SYNJ2BP: variants seen among roughly 807,000 people sequenced by gnomAD.
The protein encoded by SYNJ2BP is synaptojanin-2-binding protein.
SYNJ2BP carries 10 observed loss-of-function variants against 16.9 expected under a neutral mutation model. The observed-to-expected ratio is 0.59, with a 90% CI of 0.36 to 1.00. The LOEUF (loss-of-function observed/expected upper bound fraction) is 1.00, where lower values mean the gene tolerates loss of function less well. Among genes scored for constraint, SYNJ2BP ranks in the 50% least tolerant of loss-of-function variants. The pLI, the probability that SYNJ2BP is intolerant of heterozygous loss-of-function variation, is 0.01. For synonymous variants in SYNJ2BP, 54 were observed against 68.4 expected (o/e 0.79, Z 1.04); for missense variants, 162 against 186.7 (o/e 0.87, Z 0.77).
At chr14:70,392,365 C>G (rs1300380760) in intron 1 of SYNJ2BP, among the ~76,000 whole-genome samples, 1 of 152,170 alleles carries the variant, frequency 6.6e-6, no homozygotes, top group African/African-American at 2.4e-5. Context: ...TTATAACTTA[C>G]CAGATATGTG....
intron 1 of SYNJ2BP, among the ~76,000 whole-genome samples, chr14:70,391,751 T>G (rs1887985023): frequency 6.6e-6 from 1 of 152,072 alleles, no homozygotes; most frequent in Non-Finnish European, 1.5e-5. Context: ...TAGAAGAAAT[T>G]TTACCGAGAT....
intron 1 of SYNJ2BP, among the ~76,000 whole-genome samples, chr14:70,402,235 G>A (rs1888255266): frequency 6.6e-6 from 1 of 152,168 alleles, no homozygotes; most frequent in African/African-American, 2.4e-5. Context: ...CTTTGTGTAT[G>A]TTATGGCTGG....
intron 3 of SYNJ2BP, among the ~76,000 whole-genome samples, chr14:70,374,989 C>T (rs963904126): frequency 6.6e-6 from 1 of 151,166 alleles, no homozygotes; most frequent in African/African-American, 2.4e-5. Context: ...CTCTATGTTG[C>T]CCAGGCTGGT....
At position 70,373,079 on chromosome 14, in the gene SYNJ2BP, C is replaced by T. The variant is rs373971318; in HGVS notation, c.350G>A (p.Gly117Asp). ...IGHRGEGDPS[G>D]IPIFMVLVPV... ...CACCAGCACCATAAATATGGGAATA[C>T]CACTTGGGTCCCCTTCACCTCGATG... The change falls in exon 4 of 4, where the codon GGT becomes GAT. Residue 117 changes from glycine to aspartate, a missense_variant. Coordinates refer to ENST00000256366, the MANE Select transcript of SYNJ2BP (RefSeq NM_018373.3). The T allele has an allele frequency of 6.8e-6, 11 of 1,614,004 alleles. No homozygotes were observed. The African/African-American group carries it at 1.2e-4, about 18-fold the overall frequency.
Position 70,416,975 on chromosome 14 carries a change from C to A in SYNJ2BP, c.-12G>T. 6.2e-7 allele frequency: 1 copy of A among 1,614,164 alleles called. No homozygotes were observed. The highest frequency in any genetic ancestry group is 8.5e-7 in the Non-Finnish European group (1 of 1,180,016). ...ACTCTTCCGTTCATGTTTTACAGCT[C>A]GTCTGGCTTCCTACTTGGGTCAGCT... On this transcript the variant is annotated 5_prime_UTR_variant, in exon 1 of 4. Coordinates refer to ENST00000256366, the MANE Select transcript of SYNJ2BP (RefSeq NM_018373.3).
At chr14:70,391,758 A>C (rs1270093764) in intron 1 of SYNJ2BP, among the ~76,000 whole-genome samples, 1 of 152,230 alleles carries the variant, frequency 6.6e-6, no homozygotes, top group Non-Finnish European at 1.5e-5. Context: ...AATTTTACCG[A>C]GATTTACCAT....
chr14:70,406,379 T>G (rs1888345225), intron 1 of SYNJ2BP, among the ~76,000 whole-genome samples: 1 of 152,210 alleles, frequency 6.6e-6, no homozygotes, highest in South Asian at 2.1e-4. Flanking sequence ...TTCCTGGGTG[T>G]AGGCCAAACT....
rs1887425714 is a variant in SYNJ2BP, at chr14:70,367,791, C to T, written c.*5200G>A. Reference sequence around the variant, plus strand: ...GACAGCTTCATAACTCAATCTTCTACTACCAGGTGATGTTAAAAAAATACT... The same window carrying T: ...GACAGCTTCATAACTCAATCTTCTATTACCAGGTGATGTTAAAAAAATACT... On this transcript the variant is annotated 3_prime_UTR_variant, in exon 4 of 4. Coordinates refer to ENST00000256366, the MANE Select transcript of SYNJ2BP (RefSeq NM_018373.3). 1 of 152,088 alleles carries T rather than the reference C, an allele frequency of 6.6e-6. No homozygotes were observed. The highest frequency in any genetic ancestry group is 2.1e-4 in the South Asian group (1 of 4,828). 9.4% of individuals were successfully genotyped at this position (152,088 alleles called of 1,614,324 possible).
intron 1 of SYNJ2BP, among the ~76,000 whole-genome samples, chr14:70,413,537 G>A (rs1422570415): frequency 6.6e-6 from 1 of 152,208 alleles, no homozygotes; most frequent in African/African-American, 2.4e-5. Flanking sequence ...TACACAGGAG[G>A]CTGAGGCAGG....
intron 2 of SYNJ2BP, among the ~76,000 whole-genome samples, chr14:70,383,130 T>C (rs150538705): frequency 0.015 from 2,282 of 152,312 alleles, 41 homozygotes; most frequent in Middle Eastern, 0.061. Flanking sequence ...TGTGTTATAA[T>C]GCAGGGGTTA....
At position 70,417,090 on chromosome 14, in the gene SYNJ2BP, G is replaced by A. The variant is rs764647361; in HGVS notation, c.-127C>T. The A allele has an allele frequency of 1.8e-4, 260 of 1,446,096 alleles. No individual in the cohort carries two copies. The highest frequency in any genetic ancestry group is 2.4e-4 in the Non-Finnish European group (254 of 1,054,288). 89.6% of individuals were successfully genotyped at this position (1,446,096 alleles called of 1,614,324 possible). On this transcript the variant is annotated 5_prime_UTR_variant, in exon 1 of 4. Transcript: ENST00000256366. ...TTCAGCAGCCTCGAGACCCGGAAAAGGAAGCCCGAAGGACTCGGAGCACTG... is the reference window on the plus strand; with the variant it reads ...TTCAGCAGCCTCGAGACCCGGAAAAAGAAGCCCGAAGGACTCGGAGCACTG...
chr14:70,378,636 A>T (rs542104843), intron 2 of SYNJ2BP, among the ~76,000 whole-genome samples: 1 of 152,158 alleles, frequency 6.6e-6, no homozygotes, highest in East Asian at 1.9e-4. Flanking sequence ...CTCTGCTGTC[A>T]ACTTTCATAT....
chr14:70,391,390 G>A (rs61977553), intron 1 of SYNJ2BP, among the ~76,000 whole-genome samples: 8,257 of 152,226 alleles, frequency 0.054, 289 homozygotes, highest in Middle Eastern at 0.11. Context: ...TTTTCTTAGA[G>A]CACCCTCAAT....
intron 3 of SYNJ2BP, among the ~76,000 whole-genome samples, chr14:70,375,465 G>T (rs1229572778): frequency 6.6e-6 from 1 of 152,184 alleles, no homozygotes; most frequent in Non-Finnish European, 1.5e-5. Flanking sequence ...CTCCCAAAGT[G>T]TTGGGATTAC....
intron 1 of SYNJ2BP, among the ~76,000 whole-genome samples, chr14:70,396,610 A>G (rs1327855880): frequency 8.4e-5 from 12 of 142,722 alleles, no homozygotes; most frequent in African/African-American, 2.6e-4. Context: ...ATGTATGTAT[A>G]TATATGTATA....
At chr14:70,398,747 T>C (rs1415739616) in intron 1 of SYNJ2BP, among the ~76,000 whole-genome samples, 1 of 152,154 alleles carries the variant, frequency 6.6e-6, no homozygotes, top group Non-Finnish European at 1.5e-5. Flanking sequence ...CCATGAAGTG[T>C]GCAGCCAGCA....
At chr14:70,375,375 T>C (rs1219291745) in intron 3 of SYNJ2BP, among the ~76,000 whole-genome samples, 1 of 151,516 alleles carries the variant, frequency 6.6e-6, no homozygotes, top group East Asian at 2.0e-4. Flanking sequence ...ATTTTTTGTA[T>C]TTTTAGTAGA....
chr14:70,372,986 G>GT lies in SYNJ2BP; in HGVS notation c.*4dup. On this transcript the variant is annotated 3_prime_UTR_variant, in exon 4 of 4. Coordinates refer to ENST00000256366, the MANE Select transcript of SYNJ2BP (RefSeq NM_018373.3). ...CATTGGGAGTATTGAAAGAGAGCAA[G>GT]TTTTTCAAAGTTGTTGCCGGTATCT... 6.2e-7 allele frequency: 1 copy of GT among 1,613,964 alleles called. No individual in the cohort carries two copies. The highest frequency in any genetic ancestry group is 1.3e-5 in the African/African-American group (1 of 75,020).
chr14:70,384,324 C>T (rs562780816), intron 2 of SYNJ2BP, among the ~76,000 whole-genome samples: 4 of 152,106 alleles, frequency 2.6e-5, no homozygotes, highest in African/African-American at 7.2e-5. Context: ...ATAACCTATG[C>T]GTGGAGCATA....
Sources: gnomAD v4.1 joint callset for allele counts (sites outside exome capture counted in the v4.1 genomes callset) on GRCh38, gnomAD v4.1.1 for gene constraint, MANE v1.5 for transcripts, NCBI Gene and HGNC (gene_info 2026-07-23, HGNC 2026-07-21) for gene names.